Variants in TTBK2 observed in about 807,000 individuals in gnomAD.
TTBK2 encodes the protein tau tubulin kinase 2, also known as tau-tubulin kinase 2.
TTBK2 carries 28 observed loss-of-function variants against 110.8 expected under a neutral mutation model. That is an observed-to-expected ratio of 0.25 (90% confidence interval 0.19 to 0.35). The LOEUF is 0.35. Ranked by LOEUF, TTBK2 falls within the 10% of genes least tolerant of loss-of-function variation. The pLI is 1.00. For missense variants in TTBK2, 1,369 were observed against 1,500.3 expected, an observed-to-expected ratio of 0.91 and a Z score of 1.45; for synonymous variants, 532 against 527.3, an observed-to-expected ratio of 1.01 and a Z score of -0.12.
intron 1 of TTBK2, among the ~76,000 whole-genome samples, chr15:42,910,268 T>TAA (rs879406053): frequency 7.5e-6 from 1 of 133,004 alleles, no homozygotes. Context: ...ATCTACACAA[T>TAA]AAAAAAAAAA....
chr15:42,878,527 A>ACTCT (rs763442891), intron 2 of TTBK2, 22 bp downstream of exon 2: 1 of 1,603,594 alleles, frequency 6.2e-7, no homozygotes, highest in Non-Finnish European at 8.5e-7. Context: ...ACACACACAC[A>ACTCT]CTCTCTGAGA....
At chr15:42,748,214 T>G (rs956585553) in intron 14 of TTBK2, among the ~76,000 whole-genome samples, 3 of 152,032 alleles carry the variant, frequency 2.0e-5, no homozygotes, top group Non-Finnish European at 2.9e-5. Context: ...CCCAGCACTT[T>G]GGGGGGTTGA....
At chr15:42,758,990 TA>T (rs1345419615) in intron 13 of TTBK2, among the ~76,000 whole-genome samples, 1 of 152,196 alleles carries the variant, frequency 6.6e-6, no homozygotes, top group Non-Finnish European at 1.5e-5. Context: ...AATGCCACCC[TA>T]AGGCCAGAGC....
At chr15:42,777,761 G>A (rs576640774) in intron 11 of TTBK2, among the ~76,000 whole-genome samples, 1 of 152,186 alleles carries the variant, frequency 6.6e-6, no homozygotes, top group Non-Finnish European at 1.5e-5. Context: ...GGCAGCCCAG[G>A]GGGTGGGACT....
At chr15:42,824,303 C>A (rs974664262) in intron 6 of TTBK2, among the ~76,000 whole-genome samples, 1 of 152,122 alleles carries the variant, frequency 6.6e-6, no homozygotes, top group Non-Finnish European at 1.5e-5. Context: ...TCATATACCA[C>A]CCCTCCCCCA....
At chr15:42,880,484 T>C (rs1209130044) in intron 1 of TTBK2, among the ~76,000 whole-genome samples, 1 of 152,190 alleles carries the variant, frequency 6.6e-6, no homozygotes, top group Non-Finnish European at 1.5e-5. Context: ...ACTCCTGGGC[T>C]CAAGCAATCT....
Position 42,752,785 on chromosome 15 carries a change from C to T in TTBK2, c.2461G>A (p.Glu821Lys). ...IVEKDHSATT[E>K]PLDVTKTQTF... ...TGTGTTTTTGTCACATCAAGAGGTT[C>T]AGTAGTAGCTGAGTGATCCTTTTCC... The change falls in exon 14 of 15, where the codon GAA becomes AAA. Residue 821 changes from glutamate (E) to lysine (K), a missense_variant. Around this residue, in one of 4 missense-constraint regions of TTBK2, gnomAD observed 1,097 missense variants for 1,114.7 expected, o/e 0.98. Transcript: ENST00000267890. 6.2e-7 allele frequency: 1 copy of T among 1,614,128 alleles called. No individual in the cohort carries two copies. The highest frequency in any genetic ancestry group is 8.5e-7 in the Non-Finnish European group (1 of 1,180,020).
chr15:42,788,109 C>A (rs2140835356), intron 10 of TTBK2, among the ~76,000 whole-genome samples: 1 of 152,098 alleles, frequency 6.6e-6, no homozygotes, highest in African/African-American at 2.4e-5. Flanking sequence ...TCTTATAGGA[C>A]CACTGTCATA....
chr15:42,856,467 T>C (rs952776301), intron 3 of TTBK2, among the ~76,000 whole-genome samples: 11 of 152,190 alleles, frequency 7.2e-5, no homozygotes, highest in Admixed American at 1.3e-4. Context: ...CTGCCTTGTA[T>C]ATAAATCCTA....
At chr15:42,783,764 C>T (rs1023095486) in intron 10 of TTBK2, 129 bp from the exon 11 acceptor site, 1 of 818,512 alleles carries the variant, frequency 1.2e-6, no homozygotes, top group Non-Finnish European at 1.9e-6. Context: ...AAAAAAGCAC[C>T]TTGAAAACTT....
rs553842866 is a variant in TTBK2 at position 42,909,334 on chromosome 15, C to A, written c.-68+11104G>T. On this transcript the variant is annotated intron_variant, in intron 1 of 14. Coordinates refer to ENST00000267890, the MANE Select transcript of TTBK2 (RefSeq NM_173500.4). ...GAATTATTTGGTTTATGGCCTCATC[C>A]CCCACCTTCAAAGTCAGTAGTATAG... is the stretch of plus-strand genomic sequence containing the variant. 6.6e-5 allele frequency among the ~76,000 whole-genome samples: 10 copies of A among 152,270 alleles called. No individual in the cohort carries two copies. The South Asian group carries it at 2.1e-3, about 32-fold the overall frequency.
chr15:42,834,366 C>T (rs1892905820), intron 4 of TTBK2, among the ~76,000 whole-genome samples: 1 of 151,872 alleles, frequency 6.6e-6, no homozygotes, highest in Non-Finnish European at 1.5e-5. Flanking sequence ...AAATAATGAC[C>T]AACTCACTTT....
At position 42,752,055 on chromosome 15, in the gene TTBK2, T is replaced by C; in HGVS notation, c.3191A>G (p.Gln1064Arg). 6.2e-7 allele frequency: 1 copy of C among 1,614,224 alleles called. No homozygotes were observed. The highest frequency in any genetic ancestry group is 8.5e-7 in the Non-Finnish European group (1 of 1,180,032). ...CTGAGACGAAGTTGAGCTATTGACC[T>C]GATCTGTGTTGACCCATGAAACTGG... ...PRPVSWVNTDQVNSSTSSQFF... is the reference protein window; with the variant it reads ...PRPVSWVNTDRVNSSTSSQFF... The change falls in exon 14 of 15, where the codon CAG (glutamine) becomes CGG (arginine). Residue 1064 changes from glutamine to arginine, a missense_variant. By Grantham distance (43) the Gln-to-Arg change is conservative. This residue lies in a region of TTBK2 where 1,097 missense variants were observed against 1,114.7 expected (regional missense o/e 0.98). Coordinates refer to ENST00000267890, the MANE Select transcript of TTBK2 (RefSeq NM_173500.4).
At chr15:42,762,481 G>T (rs756067215) in intron 13 of TTBK2, among the ~76,000 whole-genome samples, 27 of 152,160 alleles carry the variant, frequency 1.8e-4, no homozygotes, top group Admixed American at 1.2e-3. Context: ...ACTTTGAAAG[G>T]CCAAGGCAGG....
chr15:42,787,687 C>G (rs72713775), intron 10 of TTBK2, among the ~76,000 whole-genome samples: 1 of 152,290 alleles, frequency 6.6e-6, no homozygotes, highest in Non-Finnish European at 1.5e-5. Flanking sequence ...TTATGTACCT[C>G]CTTGTTTAAT....
chr15:42,911,832 G>A (rs2030770794), intron 1 of TTBK2, among the ~76,000 whole-genome samples: 1 of 152,106 alleles, frequency 6.6e-6, no homozygotes, highest in African/African-American at 2.4e-5. Flanking sequence ...CAAGTGCATG[G>A]GAAAATAAAT....
At chr15:42,869,272 A>G (rs1894513292) in intron 3 of TTBK2, among the ~76,000 whole-genome samples, 1 of 151,992 alleles carries the variant, frequency 6.6e-6, no homozygotes, top group African/African-American at 2.4e-5. Flanking sequence ...ATTTTTTAGT[A>G]GAGATGGGGT....
chr15:42,867,551 G>C (rs1018787621), intron 3 of TTBK2, among the ~76,000 whole-genome samples: 3 of 152,096 alleles, frequency 2.0e-5, no homozygotes, highest in Admixed American at 2.0e-4. Flanking sequence ...CACCAAAGAA[G>C]ATATACAGAT....
intron 6 of TTBK2, among the ~76,000 whole-genome samples, chr15:42,822,180 T>C (rs762265067): frequency 7.2e-5 from 11 of 152,238 alleles, no homozygotes; most frequent in Non-Finnish European, 1.6e-4. Flanking sequence ...AAAACCTTTA[T>C]CAGATGTGCG....
Sources: gnomAD v4.1 joint callset for allele counts (sites outside exome capture counted in the v4.1 genomes callset) on GRCh38, gnomAD v4.1.1 for gene constraint, gnomAD v4.1.1 regional missense constraint, MANE v1.5 for transcripts, NCBI Gene and HGNC (gene_info 2026-07-23, HGNC 2026-07-21) for gene names.